Variants in SCRG1 observed in about 807,000 individuals in gnomAD.
The protein encoded by SCRG1 is scrapie-responsive protein 1.
In SCRG1, 3 loss-of-function variants were observed where a neutral mutation model predicts 7.7. The ratio of observed to expected loss-of-function variants is 0.39; its 90% CI spans 0.18 to 1.01. SCRG1 has a LOEUF of 1.01. SCRG1 is among the 50% of genes least tolerant of loss of function. The pLI is 0.36. For missense variants in SCRG1, 110 were observed against 117.2 expected (o/e 0.94, Z 0.28); for synonymous variants, 46 against 41.2 (o/e 1.12, Z -0.44).
the SCRG1 span, among the ~76,000 whole-genome samples, chr4:173,444,830 G>A: frequency 6.6e-6 from 1 of 152,156 alleles, no homozygotes; most frequent in Non-Finnish European, 1.5e-5. Flanking sequence ...GAGAATCTCC[G>A]AGAAGAGAGA....
chr4:173,476,380 A>ATATATATATATATATATATAT, the SCRG1 span, among the ~76,000 whole-genome samples: 37 of 138,516 alleles, frequency 2.7e-4, no homozygotes, highest in East Asian at 4.3e-4. Context: ...ATATATATAT[A>ATATATATATATATATATATAT]ATGAATTGAA....
At chr4:173,500,875 G>A in the SCRG1 span, among the ~76,000 whole-genome samples, 1 of 152,020 alleles carries the variant, frequency 6.6e-6, no homozygotes. Context: ...TTCCCTTTAC[G>A]TCCTTCTACC....
At chr4:173,424,401 G>A in the SCRG1 span, among the ~76,000 whole-genome samples, 1 of 152,146 alleles carries the variant, frequency 6.6e-6, no homozygotes, top group Admixed American at 6.6e-5. Context: ...ATACCATTGT[G>A]TGTCAACATG....
the SCRG1 span, among the ~76,000 whole-genome samples, chr4:173,508,836 G>A: frequency 3.3e-5 from 5 of 152,138 alleles, no homozygotes; most frequent in African/African-American, 7.2e-5. This position sits in a 1 kb window ranked among gnomAD's most constrained non-coding sequence, Gnocchi z 4.4. Flanking sequence ...CCGGGAGGCC[G>A]AGGTGGGAAT....
the SCRG1 span, among the ~76,000 whole-genome samples, chr4:173,476,581 T>C: frequency 6.6e-6 from 1 of 151,864 alleles, no homozygotes. Context: ...GGAAAGTTCC[T>C]GAACTGGCTG....
At chr4:173,402,257 T>A (rs887007960), upstream of SCRG1, among the ~76,000 whole-genome samples, 2 of 152,174 alleles carry the variant, frequency 1.3e-5, no homozygotes, top group Non-Finnish European at 2.9e-5. Context: ...ACGATGGTGA[T>A]GATGATGTGT....
chr4:173,434,321 T>C, the SCRG1 span, among the ~76,000 whole-genome samples: 144 of 152,334 alleles, frequency 9.5e-4, 1 homozygote, highest in East Asian at 0.027. Flanking sequence ...TAATTTCTTT[T>C]TGATTTAAGG....
At chr4:173,413,813 C>A in the SCRG1 span, among the ~76,000 whole-genome samples, 1 of 152,158 alleles carries the variant, frequency 6.6e-6, no homozygotes, top group Admixed American at 6.5e-5. Flanking sequence ...AGACATGTTT[C>A]TTGGTAGCTA....
chr4:173,429,184 C>A, the SCRG1 span, among the ~76,000 whole-genome samples: 1 of 152,120 alleles, frequency 6.6e-6, no homozygotes, highest in Non-Finnish European at 1.5e-5. Flanking sequence ...AGCTGGATTT[C>A]TTTGAGAATG....
At chr4:173,494,684 C>T in the SCRG1 span, among the ~76,000 whole-genome samples, 1 of 152,214 alleles carries the variant, frequency 6.6e-6, no homozygotes, top group African/African-American at 2.4e-5. Context: ...CTCTTCGTTT[C>T]AGAGCCCAGG....
At chr4:173,461,875 T>TA in the SCRG1 span, among the ~76,000 whole-genome samples, 90,832 of 150,496 alleles carry the variant, frequency 0.6, 29,463 homozygotes, top group Non-Finnish European at 0.73. Flanking sequence ...TTGAAATAAT[T>TA]AAAAAAAAAG....
At chr4:173,510,001 G>C in the SCRG1 span, among the ~76,000 whole-genome samples, 1 of 152,138 alleles carries the variant, frequency 6.6e-6, no homozygotes, top group East Asian at 1.9e-4. This position sits in a 1 kb window ranked among gnomAD's most constrained non-coding sequence, Gnocchi z 5.7. Flanking sequence ...CATTTAAAAA[G>C]CAATTTCACA....
chr4:173,401,481 C>T (rs1161106961), upstream of SCRG1, among the ~76,000 whole-genome samples: 1 of 152,180 alleles, frequency 6.6e-6, no homozygotes, highest in Non-Finnish European at 1.5e-5. Context: ...TGGATCCTCT[C>T]TTTACTCTGT....
the SCRG1 span, among the ~76,000 whole-genome samples, chr4:173,467,492 A>G: frequency 1.3e-5 from 2 of 152,202 alleles, no homozygotes; most frequent in Non-Finnish European, 2.9e-5. Flanking sequence ...ACAAGACTGA[A>G]CATGAGGACA....
At chr4:173,459,663 G>A in the SCRG1 span, among the ~76,000 whole-genome samples, 2 of 152,154 alleles carry the variant, frequency 1.3e-5, no homozygotes, top group African/African-American at 4.8e-5. Flanking sequence ...TAAAAGTAAG[G>A]AGATTTCAAA....
chr4:173,481,945 G>T, the SCRG1 span, among the ~76,000 whole-genome samples: 1 of 151,974 alleles, frequency 6.6e-6, no homozygotes, highest in Non-Finnish European at 1.5e-5. Context: ...TCTGACCCTT[G>T]TGTTGTTCAA....
chr4:173,430,099 G>A, the SCRG1 span, among the ~76,000 whole-genome samples: 6 of 152,048 alleles, frequency 3.9e-5, 1 homozygote, highest in Admixed American at 3.9e-4. Context: ...CAGAAATTTA[G>A]GCCTAAGACC....
chr4:173,490,214 C>T, the SCRG1 span, among the ~76,000 whole-genome samples: 2 of 152,186 alleles, frequency 1.3e-5, no homozygotes, highest in South Asian at 4.1e-4. Context: ...GGACATGAAA[C>T]ACACTGGATA....
chr4:173,509,991 C>T, the SCRG1 span, among the ~76,000 whole-genome samples: 1 of 152,178 alleles, frequency 6.6e-6, no homozygotes, highest in Non-Finnish European at 1.5e-5. The surrounding 1 kb of genome is among the most constrained non-coding windows in gnomAD (Gnocchi z 5.7). Context: ...TATGCGGGCT[C>T]ATTTAAAAAG....
Sources: gnomAD v4.1 joint callset for allele counts (sites outside exome capture counted in the v4.1 genomes callset) on GRCh38, gnomAD v4.1.1 for gene constraint, Gnocchi (gnomAD v3.1) non-coding constraint, MANE v1.5 for transcripts, NCBI Gene and HGNC (gene_info 2026-07-23, HGNC 2026-07-21) for gene names.